The following AHCY variants were observed in gnomAD, a reference collection of about 807,000 sequenced individuals.
The protein encoded by AHCY is S-adenosyl-L-homocysteine hydrolase.
AHCY carries 24 observed loss-of-function variants against 45.4 expected under a neutral mutation model. The observed-to-expected ratio is 0.53, with a 90% CI of 0.38 to 0.74. The LOEUF (loss-of-function observed/expected upper bound fraction) is 0.74, where lower values mean the gene tolerates loss of function less well. AHCY is among the 30% of genes least tolerant of loss of function. The pLI, the probability that AHCY is intolerant of heterozygous loss-of-function variation, is 0.00. For synonymous variants in AHCY, 245 were observed against 235.1 expected (o/e 1.04, Z -0.39); for missense variants, 449 against 594.1 (o/e 0.76, Z 2.54).
chr20:34,259,272 A>C, the AHCY span, among the ~76,000 whole-genome samples: 1 of 151,790 alleles, frequency 6.6e-6, no homozygotes, highest in Non-Finnish European at 1.5e-5. Context: ...GGCCAGGTGC[A>C]GTGGCAGTGG....
intron 9 of AHCY, among the ~76,000 whole-genome samples, chr20:34,281,385 G>C (rs2035997374): frequency 6.6e-6 from 1 of 152,122 alleles, no homozygotes; most frequent in South Asian, 2.1e-4. Context: ...CCCTACATGT[G>C]GCTTGACAGG....
chr20:34,258,704 ATATATT>A, the AHCY span, among the ~76,000 whole-genome samples: 3 of 95,210 alleles, frequency 3.2e-5, 1 homozygote, highest in African/African-American at 1.2e-4. Flanking sequence ...TACTATATAT[ATATATT>A]ATATATATTA....
chr20:34,269,551 A>C, the AHCY span, among the ~76,000 whole-genome samples: 2 of 151,860 alleles, frequency 1.3e-5, no homozygotes, highest in Admixed American at 6.6e-5. Context: ...TGCCTCCAAA[A>C]CCAGGAAATT....
chr20:34,275,561 G>T (rs1395564813), downstream of AHCY, among the ~76,000 whole-genome samples: 3 of 152,124 alleles, frequency 2.0e-5, no homozygotes, highest in Non-Finnish European at 4.4e-5. Flanking sequence ...TAACTTTCTG[G>T]GGGGTTCATT....
the AHCY span, among the ~76,000 whole-genome samples, chr20:34,257,651 A>G: frequency 2.0e-5 from 3 of 152,172 alleles, no homozygotes; most frequent in Non-Finnish European, 4.4e-5. Context: ...AGCATGATAT[A>G]ATAATAAGTT....
intron 1 of AHCY, among the ~76,000 whole-genome samples, chr20:34,308,710 G>A (rs1196441662): frequency 6.6e-6 from 1 of 150,940 alleles, no homozygotes; most frequent in Admixed American, 6.6e-5. Context: ...CTGGGGTGCA[G>A]TGGTGCGATC....
the AHCY span, among the ~76,000 whole-genome samples, chr20:34,263,088 G>C: frequency 6.6e-6 from 1 of 152,178 alleles, no homozygotes; most frequent in Admixed American, 6.5e-5. Flanking sequence ...GGGAGCTGAA[G>C]TCCACTGAGC....
chr20:34,284,057 G>A (rs1439690536), intron 9 of AHCY, among the ~76,000 whole-genome samples: 2 of 152,210 alleles, frequency 1.3e-5, no homozygotes, highest in African/African-American at 4.8e-5. Context: ...CCAGGGAAGG[G>A]TGGACTGCAT....
chr20:34,236,441 G>A, the AHCY span, among the ~76,000 whole-genome samples: 1 of 152,296 alleles, frequency 6.6e-6, no homozygotes, highest in Middle Eastern at 3.4e-3. Context: ...CTACTTGGGA[G>A]GTTGAGGCAG....
At chr20:34,233,240 T>C in the AHCY span, among the ~76,000 whole-genome samples, 1 of 148,886 alleles carries the variant, frequency 6.7e-6, no homozygotes, top group Non-Finnish European at 1.5e-5. Context: ...CTCTGCCTCC[T>C]GGGTTCACCC....
chr20:34,302,296 C>G (rs1042027746), intron 1 of AHCY: 1 of 153,562 alleles, frequency 6.5e-6, no homozygotes, highest in African/African-American at 2.4e-5. Flanking sequence ...CCACCACACC[C>G]GGTCCAATAG....
At chr20:34,258,244 T>A in the AHCY span, among the ~76,000 whole-genome samples, 1 of 152,024 alleles carries the variant, frequency 6.6e-6, no homozygotes, top group Non-Finnish European at 1.5e-5. Flanking sequence ...CAATCCATCA[T>A]GATTCTTACA....
At chr20:34,248,745 A>C in the AHCY span, among the ~76,000 whole-genome samples, 1 of 151,974 alleles carries the variant, frequency 6.6e-6, no homozygotes, top group South Asian at 2.1e-4. Context: ...GGCTGCAGTG[A>C]GCTATGGTCT....
chr20:34,258,674 C>CATATAT, the AHCY span, among the ~76,000 whole-genome samples: 11 of 12,154 alleles, frequency 9.1e-4, 2 homozygotes, highest in Non-Finnish European at 1.1e-3. Context: ...AGGGGGATGC[C>CATATAT]ATATATATAT....
the AHCY span, among the ~76,000 whole-genome samples, chr20:34,255,802 G>A: frequency 6.6e-6 from 1 of 152,210 alleles, no homozygotes; most frequent in Non-Finnish European, 1.5e-5. Context: ...CAGCACCTGG[G>A]AAGGCACCCA....
chr20:34,311,095 G>A (rs959985607), intron 1 of AHCY, among the ~76,000 whole-genome samples: 3 of 152,178 alleles, frequency 2.0e-5, no homozygotes, highest in Non-Finnish European at 4.4e-5. Flanking sequence ...ACTCTAGCCT[G>A]GGCAACAGAG....
At chr20:34,274,933 C>T in the AHCY span, among the ~76,000 whole-genome samples, 4 of 152,106 alleles carry the variant, frequency 2.6e-5, no homozygotes, top group Admixed American at 2.0e-4. Context: ...GCCTGGATGA[C>T]AAAATGAGAC....
the AHCY span, among the ~76,000 whole-genome samples, chr20:34,248,782 A>G: frequency 3.9e-5 from 6 of 152,132 alleles, no homozygotes; most frequent in African/African-American, 1.4e-4. Context: ...CCTGGGTGAC[A>G]GAGCAAGGCC....
At chr20:34,305,851 G>A (rs1267354850), upstream of AHCY, among the ~76,000 whole-genome samples, 3 of 152,118 alleles carry the variant, frequency 2.0e-5, no homozygotes, top group Non-Finnish European at 4.4e-5. Context: ...GGAAGCCGGG[G>A]CGAGTGGATC....
Sources: allele counts gnomAD v4.1 joint callset (sites outside exome capture counted in the v4.1 genomes callset), GRCh38; gene constraint gnomAD v4.1.1; transcripts MANE v1.5; gene names NCBI Gene and HGNC (gene_info 2026-07-23, HGNC 2026-07-21).